AKAP6: variants seen among roughly 807,000 people sequenced by gnomAD.
The protein encoded by AKAP6 is A-kinase anchoring protein 6.
In AKAP6, 58 loss-of-function variants were observed where a neutral mutation model predicts 188.5. The ratio of observed to expected loss-of-function variants is 0.31; its 90% CI spans 0.25 to 0.38. The LOEUF (loss-of-function observed/expected upper bound fraction) is 0.38. AKAP6 is among the 10% of genes least tolerant of loss of function. The probability of loss-of-function intolerance (pLI) is 1.00; values close to 1 mark genes in which losing one functional copy is unlikely to be tolerated. For missense variants in AKAP6, 2,710 were observed against 2,740.0 expected, an observed-to-expected ratio of 0.99 and a Z score of 0.24; for synonymous variants, 989 against 998.6, an observed-to-expected ratio of 0.99 and a Z score of 0.18.
intron 4 of AKAP6, among the ~76,000 whole-genome samples, chr14:32,569,464 TA>T (rs1480422102): frequency 6.6e-6 from 1 of 152,224 alleles, no homozygotes; most frequent in African/African-American, 2.4e-5. Flanking sequence ...AGTGTGGGTA[TA>T]TAAGTTAGGT....
chr14:32,351,436 C>T (rs1395330103), intron 1 of AKAP6, among the ~76,000 whole-genome samples: 2 of 152,056 alleles, frequency 1.3e-5, no homozygotes, highest in Admixed American at 6.6e-5. Flanking sequence ...GTGGCACACA[C>T]CTGTAGTCCC....
chr14:32,643,376 C>T (rs1212853655), intron 7 of AKAP6, among the ~76,000 whole-genome samples: 11 of 151,672 alleles, frequency 7.3e-5, no homozygotes, highest in African/African-American at 1.2e-4. Flanking sequence ...GGCATGATCT[C>T]GGCTCACTGC....
chr14:32,826,407 C>T (rs2034674737), intron 13 of AKAP6, among the ~76,000 whole-genome samples: 1 of 152,214 alleles, frequency 6.6e-6, no homozygotes, highest in African/African-American at 2.4e-5. Context: ...GGGAGAGTAA[C>T]TGCAATTCCA....
At chr14:32,403,570 A>G (rs1335110036) in intron 1 of AKAP6, among the ~76,000 whole-genome samples, 1 of 152,190 alleles carries the variant, frequency 6.6e-6, no homozygotes, top group Admixed American at 6.5e-5. Context: ...CAGCTCTGTT[A>G]CTTACTAGCT....
At chr14:32,466,847 T>A (rs868451846) in intron 2 of AKAP6, among the ~76,000 whole-genome samples, 30 of 77,750 alleles carry the variant, frequency 3.9e-4, no homozygotes, top group African/African-American at 1.7e-3. Context: ...ATATATATAT[T>A]TTCTTTCTTA....
rs144755336 is a variant in AKAP6 at position 32,363,253 on chromosome 14, G to A, written c.-35+33845G>A. Among the ~76,000 whole-genome samples, 190 of 152,318 alleles carry A rather than the reference G, an allele frequency of 1.2e-3. 1 individual carries two copies. Among genetic ancestry groups the A allele is most frequent in the African/African-American group, 4.3e-3 (179 of 41,560 alleles). ...GTGCTGTGGGAACATGGGAAAACAAGCATTTAAGTCTACCAGAGGGAGTAG... is the reference window on the plus strand; with the variant it reads ...GTGCTGTGGGAACATGGGAAAACAAACATTTAAGTCTACCAGAGGGAGTAG... On this transcript the variant is annotated intron_variant, in intron 1 of 13. Coordinates refer to ENST00000280979, the MANE Select transcript of AKAP6 (RefSeq NM_004274.5).
intron 2 of AKAP6, among the ~76,000 whole-genome samples, chr14:32,515,870 G>T: frequency 6.6e-6 from 1 of 152,170 alleles, no homozygotes; most frequent in East Asian, 1.9e-4. Context: ...TAGACAAAGT[G>T]CTTGCCCTAC....
At chr14:32,465,765 A>T (rs1410591270) in intron 2 of AKAP6, among the ~76,000 whole-genome samples, 1 of 152,234 alleles carries the variant, frequency 6.6e-6, no homozygotes, top group Non-Finnish European at 1.5e-5. Context: ...TTCTGCACGC[A>T]AAAGAAATTA....
At chr14:32,745,312 G>A (rs182096197) in intron 11 of AKAP6, among the ~76,000 whole-genome samples, 2 of 152,206 alleles carry the variant, frequency 1.3e-5, no homozygotes, top group East Asian at 3.9e-4. Context: ...GTTTTAGGGA[G>A]CACCCTAAAC....
chr14:32,575,639 GA>G (rs990269059), intron 4 of AKAP6, among the ~76,000 whole-genome samples: 2 of 152,148 alleles, frequency 1.3e-5, no homozygotes, highest in Admixed American at 1.3e-4. Context: ...ATTTTTGAAA[GA>G]ATATAAATGA....
chr14:32,740,202 G>C (rs2139859519), intron 11 of AKAP6, among the ~76,000 whole-genome samples: 1 of 151,986 alleles, frequency 6.6e-6, no homozygotes, highest in African/African-American at 2.4e-5. Context: ...CAAACCTTTT[G>C]CCCATTTTTT....
intron 9 of AKAP6, among the ~76,000 whole-genome samples, chr14:32,716,206 T>C (rs1474441763): frequency 6.6e-6 from 1 of 151,924 alleles, no homozygotes; most frequent in African/African-American, 2.4e-5. Context: ...TTGGCATGGT[T>C]TCTGTCACCA....
At chr14:32,537,526 T>C (rs1320005788) in intron 3 of AKAP6, among the ~76,000 whole-genome samples, 2 of 152,204 alleles carry the variant, frequency 1.3e-5, no homozygotes, top group Non-Finnish European at 2.9e-5. Flanking sequence ...TCTTTAGATA[T>C]CTACCTGGCA....
chr14:32,363,791 A>T (rs1309687778), intron 1 of AKAP6, among the ~76,000 whole-genome samples: 1 of 152,230 alleles, frequency 6.6e-6, no homozygotes, highest in Non-Finnish European at 1.5e-5. Flanking sequence ...AGACACACCA[A>T]GGAAAATACT....
At chr14:32,635,397 T>G (rs1489399932) in intron 7 of AKAP6, among the ~76,000 whole-genome samples, 1 of 152,118 alleles carries the variant, frequency 6.6e-6, no homozygotes, top group Non-Finnish European at 1.5e-5. Context: ...GGATATTTTA[T>G]TGTCCATTCT....
Position 32,441,557 on chromosome 14 carries a change from A to C in AKAP6, c.324+7740A>C, listed in dbSNP as rs1957017. 2.8e-3 allele frequency among the ~76,000 whole-genome samples: 427 copies of C among 152,218 alleles called. 1 individual carries two copies. The highest frequency in any genetic ancestry group is 9.0e-3 in the African/African-American group (373 of 41,544). On this transcript the variant is annotated intron_variant, in intron 2 of 13. Coordinates refer to ENST00000280979, the MANE Select transcript of AKAP6 (RefSeq NM_004274.5). Reference sequence around the variant, plus strand: ...GATGTATTTTCATCATGATTTGGGGAGATGATATAAGCCTCAGACCTAGCA... The same window carrying C: ...GATGTATTTTCATCATGATTTGGGGCGATGATATAAGCCTCAGACCTAGCA...
intron 7 of AKAP6, among the ~76,000 whole-genome samples, chr14:32,630,857 A>G (rs1887237480): frequency 6.6e-6 from 1 of 152,092 alleles, no homozygotes; most frequent in African/African-American, 2.4e-5. Flanking sequence ...TAAAATCACA[A>G]CTATCTTACC....
intron 5 of AKAP6, among the ~76,000 whole-genome samples, chr14:32,597,328 G>T (rs1885746324): frequency 6.6e-6 from 1 of 152,064 alleles, no homozygotes; most frequent in Non-Finnish European, 1.5e-5. Flanking sequence ...AGAGCCCTAG[G>T]CTAAATTTAC....
intron 4 of AKAP6, among the ~76,000 whole-genome samples, chr14:32,547,843 CAAAA>C (rs11342356): frequency 7.4e-6 from 1 of 136,030 alleles, no homozygotes; most frequent in Admixed American, 7.7e-5. Flanking sequence ...GACCCTGTCT[CAAAA>C]AAAAAAAAAA....
Sources: gnomAD v4.1 joint callset for allele counts (sites outside exome capture counted in the v4.1 genomes callset) on GRCh38, gnomAD v4.1.1 for gene constraint, MANE v1.5 for transcripts, NCBI Gene and HGNC (gene_info 2026-07-23, HGNC 2026-07-21) for gene names.